THSD4: variants seen among roughly 807,000 people sequenced by gnomAD.
THSD4 encodes the protein thrombospondin type-1 domain-containing protein 4.
THSD4 carries 69 observed loss-of-function variants against 119.0 expected under a neutral mutation model. The ratio of observed to expected loss-of-function variants is 0.58; its 90% CI spans 0.48 to 0.71. The LOEUF is 0.71. Ranked by LOEUF, THSD4 falls within the 30% of genes least tolerant of loss-of-function variation. The pLI, the probability that THSD4 is intolerant of heterozygous loss-of-function variation, is 0.00. For missense variants in THSD4, 1,393 were observed against 1,391.1 expected (o/e 1.00, Z -0.02); for synonymous variants, 524 against 540.4 (o/e 0.97, Z 0.42).
intron 6 of THSD4, among the ~76,000 whole-genome samples, chr15:71,379,450 CTTTTTT>C (rs34326932): frequency 1.2e-3 from 91 of 77,586 alleles, no homozygotes; most frequent in African/African-American, 4.1e-3. Context: ...CAAATGGCTT[CTTTTTT>C]TTTTTTTTTT....
chr15:71,532,804 A>G (rs560377886), intron 7 of THSD4, among the ~76,000 whole-genome samples: 2 of 152,226 alleles, frequency 1.3e-5, no homozygotes, highest in Non-Finnish European at 2.9e-5. Flanking sequence ...AGAAAATTAT[A>G]TTTAATTAAG....
At chr15:71,149,510 A>G (rs2040699379) in intron 2 of THSD4, among the ~76,000 whole-genome samples, 2 of 152,168 alleles carry the variant, frequency 1.3e-5, no homozygotes, top group African/African-American at 2.4e-5. Flanking sequence ...CGGCCTCCCA[A>G]AGTGCTGGGA....
At chr15:71,497,052 C>T (rs2048028653) in intron 7 of THSD4, among the ~76,000 whole-genome samples, 1 of 152,210 alleles carries the variant, frequency 6.6e-6, no homozygotes, top group Admixed American at 6.5e-5. Flanking sequence ...ACTGCCATTG[C>T]ATTCCAACCA....
At chr15:71,235,791 A>G (rs2044100163) in intron 4 of THSD4, among the ~76,000 whole-genome samples, 1 of 151,988 alleles carries the variant, frequency 6.6e-6, no homozygotes, top group African/African-American at 2.4e-5. Context: ...GGGTTTTGCC[A>G]TGTTGGCCAG....
intron 3 of THSD4, among the ~76,000 whole-genome samples, chr15:71,205,807 C>T (rs1213664091): frequency 6.6e-6 from 1 of 151,116 alleles, no homozygotes; most frequent in East Asian, 1.9e-4. Flanking sequence ...TCATCTGTCT[C>T]AGATGATTTA....
chr15:71,471,852 G>T (rs1187835504), intron 7 of THSD4, among the ~76,000 whole-genome samples: 2 of 152,140 alleles, frequency 1.3e-5, no homozygotes, highest in Non-Finnish European at 2.9e-5. Context: ...GGGATCTGGA[G>T]TCAGACCATG....
chr15:71,512,797 C>T (rs1163659821), intron 7 of THSD4, among the ~76,000 whole-genome samples: 1 of 151,980 alleles, frequency 6.6e-6, no homozygotes. Flanking sequence ...AGAGCAACTG[C>T]GTAAGTGTTG....
chr15:71,657,861 A>G (rs1488483185), intron 7 of THSD4, among the ~76,000 whole-genome samples: 1 of 152,234 alleles, frequency 6.6e-6, no homozygotes, highest in African/African-American at 2.4e-5. Flanking sequence ...GCATTTTCAT[A>G]TAATGTCTGA....
At chr15:71,326,244 A>G (rs554635754) in intron 6 of THSD4, among the ~76,000 whole-genome samples, 1 of 152,104 alleles carries the variant, frequency 6.6e-6, no homozygotes, top group African/African-American at 2.4e-5. Context: ...TACATACTCT[A>G]CAGGGTAGTT....
At chr15:71,149,831 G>C (rs551987906) in intron 2 of THSD4, among the ~76,000 whole-genome samples, 11 of 152,234 alleles carry the variant, frequency 7.2e-5, no homozygotes, top group South Asian at 2.1e-4. Context: ...AGATGGTAGC[G>C]GGGGTGGAGA....
chr15:71,729,100 C>T, intron 9 of THSD4: 1 of 252,076 alleles, frequency 4.0e-6, no homozygotes, highest in Non-Finnish European at 7.9e-6. Flanking sequence ...CAAAAGAAAG[C>T]AAGAGCCTAA....
chr15:71,531,903 C>A (rs758504597), intron 7 of THSD4, among the ~76,000 whole-genome samples: 2 of 152,194 alleles, frequency 1.3e-5, no homozygotes, highest in Non-Finnish European at 2.9e-5. Flanking sequence ...CCCTTGTGAA[C>A]TTGAAAACCA....
intron 2 of THSD4, 118 bp from the exon 3 acceptor site, chr15:71,154,745 G>A (rs1021928923): frequency 1.1e-5 from 11 of 993,070 alleles, no homozygotes; most frequent in Middle Eastern, 2.9e-4. Context: ...TCACATCCCA[G>A]GGCCTGGGTT....
intron 9 of THSD4, chr15:71,730,824 A>G: frequency 5.3e-6 from 2 of 375,780 alleles, no homozygotes; most frequent in South Asian, 2.8e-5. Flanking sequence ...AAATCTAAGG[A>G]CAGAAAGGTT....
At chr15:71,644,242 G>A (rs1376439554) in intron 7 of THSD4, among the ~76,000 whole-genome samples, 4 of 152,124 alleles carry the variant, frequency 2.6e-5, no homozygotes, top group Non-Finnish European at 5.9e-5. Flanking sequence ...AGCATTCTAT[G>A]TTTAGTGGGA....
chr15:71,167,792 A>T (rs888833606), intron 3 of THSD4, among the ~76,000 whole-genome samples: 17 of 152,358 alleles, frequency 1.1e-4, no homozygotes, highest in Admixed American at 1.0e-3. Context: ...TGCTACTAAA[A>T]GACATCACTT....
chr15:71,438,930 A>G (rs1156672537), intron 7 of THSD4, among the ~76,000 whole-genome samples: 1 of 152,206 alleles, frequency 6.6e-6, no homozygotes, highest in Non-Finnish European at 1.5e-5. Context: ...TGAAAAATGA[A>G]TATTCTATGA....
intron 8 of THSD4, among the ~76,000 whole-genome samples, chr15:71,670,237 C>T (rs2051496152): frequency 6.6e-6 from 1 of 151,648 alleles, no homozygotes; most frequent in Non-Finnish European, 1.5e-5. Flanking sequence ...CCCTATCCCC[C>T]ACCCCATGAC....
At chr15:71,592,149 G>A (rs528878908) in intron 7 of THSD4, among the ~76,000 whole-genome samples, 3 of 152,212 alleles carry the variant, frequency 2.0e-5, no homozygotes, top group African/African-American at 7.2e-5. Flanking sequence ...CAGTAACATT[G>A]AAAGAGAAAA....
Sources: allele counts gnomAD v4.1 joint callset (sites outside exome capture counted in the v4.1 genomes callset), GRCh38; gene constraint gnomAD v4.1.1; transcripts MANE v1.5; gene names NCBI Gene and HGNC (gene_info 2026-07-23, HGNC 2026-07-21).